Variants in PCDH9 observed in about 807,000 individuals in gnomAD.
The protein encoded by PCDH9 is protocadherin-9.
A neutral mutation model predicts 70.6 loss-of-function variants in PCDH9; 24 were observed. That is an observed-to-expected ratio of 0.34 (90% CI 0.25 to 0.48). The LOEUF (loss-of-function observed/expected upper bound fraction) is 0.48, where lower values mean the gene tolerates loss of function less well. Among genes scored for constraint, PCDH9 ranks in the 20% least tolerant of loss-of-function variants. The pLI, the probability that PCDH9 is intolerant of heterozygous loss-of-function variation, is 0.99. For missense variants in PCDH9, 1,281 were observed against 1,503.6 expected, an observed-to-expected ratio of 0.85 and a Z score of 2.45; for synonymous variants, 562 against 558.5, an observed-to-expected ratio of 1.01 and a Z score of -0.09.
At chr13:66,668,600 T>C (rs1316953880) in intron 3 of PCDH9, among the ~76,000 whole-genome samples, 2 of 152,138 alleles carry the variant, frequency 1.3e-5, no homozygotes, top group South Asian at 4.1e-4. Flanking sequence ...AAGCAATTCA[T>C]AGTAAGATGT....
intron 2 of PCDH9, among the ~76,000 whole-genome samples, chr13:67,021,915 TGTATGTAGGTGTATATATAA>T (rs1317397728): frequency 1.3e-5 from 2 of 151,984 alleles, no homozygotes; most frequent in Non-Finnish European, 2.9e-5. Context: ...TGTATATATA[TGTATGTAGGTGTATATATAA>T]GTATGTATAT....
At chr13:66,811,543 GTCAATT>G (rs1176884431) in intron 3 of PCDH9, among the ~76,000 whole-genome samples, 1 of 152,066 alleles carries the variant, frequency 6.6e-6, no homozygotes, top group Non-Finnish European at 1.5e-5. Flanking sequence ...CTCACTGGCA[GTCAATT>G]TCAAGTTTGA....
intron 3 of PCDH9, among the ~76,000 whole-genome samples, chr13:66,902,212 A>G (rs553352371): frequency 6.6e-6 from 1 of 151,686 alleles, no homozygotes; most frequent in African/African-American, 2.4e-5. Flanking sequence ...AATATAAAAA[A>G]GTATATATGC....
At chr13:66,512,032 T>G (rs544299094) in intron 4 of PCDH9, among the ~76,000 whole-genome samples, 4 of 152,286 alleles carry the variant, frequency 2.6e-5, no homozygotes, top group African/African-American at 9.6e-5. Context: ...AATTTAGAGA[T>G]AGGTTTATCA....
In PCDH9 at chr13:66,595,147, C is replaced by G. The variant is rs572653705; in HGVS notation, c.3340+36063G>C. Among the ~76,000 whole-genome samples the G allele has an allele frequency of 2.0e-5, 3 of 151,568 alleles. No individual in the cohort carries two copies. The Admixed American group carries it at 2.0e-4, about 10-fold the overall frequency. On this transcript the variant is annotated intron_variant, in intron 4 of 4. Transcript: ENST00000377865. ...CTTAATGGCTCAGGGATGTCTTTCT[C>G]AAGAACCTGGGAACATCTCTTTGAA...
chr13:67,017,649 C>T (rs538298784), intron 2 of PCDH9, among the ~76,000 whole-genome samples: 50 of 152,216 alleles, frequency 3.3e-4, no homozygotes, highest in African/African-American at 1.1e-3. Flanking sequence ...ATTTTTAGAA[C>T]TTAATTATAT....
intron 4 of PCDH9, among the ~76,000 whole-genome samples, chr13:66,508,819 A>G (rs962632782): frequency 2.0e-5 from 3 of 152,204 alleles, no homozygotes; most frequent in Admixed American, 2.0e-4. Flanking sequence ...GCAATGAAGA[A>G]TTTGAAAGCT....
chr13:66,769,833 G>A lies in PCDH9; in HGVS notation c.3138+133671C>T, dbSNP rs557318469. On this transcript the variant is annotated intron_variant, in intron 3 of 4. Coordinates refer to ENST00000377865, the MANE Select transcript of PCDH9 (RefSeq NM_203487.3). ...TATTTTTACAGTTGTGGGATCTGAC[G>A]TGAAGACAAAAGGTTGAAAGTTCTA... 5.3e-5 allele frequency among the ~76,000 whole-genome samples: 8 copies of A among 152,198 alleles called. No individual in the cohort carries two copies. The East Asian group carries it at 7.7e-4, about 15-fold the overall frequency.
chr13:67,094,581 A>T (rs1021727622), intron 2 of PCDH9, among the ~76,000 whole-genome samples: 9 of 152,288 alleles, frequency 5.9e-5, no homozygotes, highest in African/African-American at 2.2e-4. Context: ...CAGAAGTGGC[A>T]TAAGAATATC....
intron 4 of PCDH9, among the ~76,000 whole-genome samples, chr13:66,327,463 A>G (rs1955867864): frequency 6.6e-6 from 1 of 152,190 alleles, no homozygotes; most frequent in Non-Finnish European, 1.5e-5. Context: ...TTTGTTTAGA[A>G]CTATGTCCTT....
intron 3 of PCDH9, among the ~76,000 whole-genome samples, chr13:66,770,512 C>T (rs2079790473): frequency 6.6e-6 from 1 of 152,186 alleles, no homozygotes; most frequent in African/African-American, 2.4e-5. Flanking sequence ...TGCTTCATGC[C>T]TAGTAGGCTA....
At chr13:66,578,447 T>G (rs972727392) in intron 4 of PCDH9, among the ~76,000 whole-genome samples, 2 of 152,092 alleles carry the variant, frequency 1.3e-5, no homozygotes, top group Admixed American at 1.3e-4. Flanking sequence ...GAGGATGAAA[T>G]ACTTGTAGTC....
At chr13:66,645,501 T>C (rs1311619519) in intron 3 of PCDH9, among the ~76,000 whole-genome samples, 3 of 151,734 alleles carry the variant, frequency 2.0e-5, no homozygotes, top group Non-Finnish European at 4.4e-5. Flanking sequence ...AAAAATAGAG[T>C]ACAAGAGAAA....
chr13:66,976,928 C>A (rs2083632387), intron 2 of PCDH9, among the ~76,000 whole-genome samples: 1 of 152,058 alleles, frequency 6.6e-6, no homozygotes, highest in Admixed American at 6.6e-5. Context: ...AATCAGGCTT[C>A]TGAAATTTGA....
chr13:66,923,244 A>G (rs900067013), intron 2 of PCDH9, among the ~76,000 whole-genome samples: 2 of 151,632 alleles, frequency 1.3e-5, no homozygotes, highest in African/African-American at 4.8e-5. Flanking sequence ...ACACATAAAC[A>G]GTTTTATAAT....
chr13:66,786,206 C>A (rs367757899), intron 3 of PCDH9, among the ~76,000 whole-genome samples: 9 of 152,122 alleles, frequency 5.9e-5, no homozygotes, highest in African/African-American at 2.2e-4. Flanking sequence ...ATTATTTGAG[C>A]TGTTTACCTA....
At chr13:67,098,189 C>A (rs1450711005) in intron 2 of PCDH9, among the ~76,000 whole-genome samples, 3 of 152,020 alleles carry the variant, frequency 2.0e-5, no homozygotes, top group Admixed American at 1.3e-4. Flanking sequence ...TAAGAAAAAT[C>A]AAATAGTGTG....
intron 2 of PCDH9, among the ~76,000 whole-genome samples, chr13:67,035,454 G>C (rs2084991097): frequency 6.6e-6 from 1 of 151,822 alleles, no homozygotes; most frequent in South Asian, 2.1e-4. Context: ...ACTTACAGCT[G>C]TTCATCATAA....
At chr13:66,671,294 T>C (rs192517327) in intron 3 of PCDH9, among the ~76,000 whole-genome samples, 437 of 152,264 alleles carry the variant, frequency 2.9e-3, no homozygotes, top group African/African-American at 9.9e-3. Context: ...AATGGAATAA[T>C]ACAGTAATTT....
Sources: allele counts gnomAD v4.1 joint callset (sites outside exome capture counted in the v4.1 genomes callset), GRCh38; gene constraint gnomAD v4.1.1; transcripts MANE v1.5; gene names NCBI Gene and HGNC (gene_info 2026-07-23, HGNC 2026-07-21).